Variants in GPR3 observed in about 807,000 individuals in gnomAD.
GPR3 encodes the protein ACCA orphan receptor.
In GPR3, 16 loss-of-function variants were observed where a neutral mutation model predicts 18.2. That is an observed-to-expected ratio of 0.88 (90% CI 0.60 to 1.34). The LOEUF is 1.34. Among genes scored for constraint, GPR3 ranks in the 40% most tolerant of loss-of-function variants. GPR3 has a pLI of 0.00. For missense variants in GPR3, 326 were observed against 427.6 expected, an observed-to-expected ratio of 0.76 and a Z score of 2.10; for synonymous variants, 183 against 188.9, an observed-to-expected ratio of 0.97 and a Z score of 0.26.
At position 27,394,177 on chromosome 1, in the gene GPR3, C is replaced by G; in HGVS notation, c.379C>G (p.Leu127Val). The change falls in exon 2 of 2, where the codon CTA becomes GTA. Residue 127 changes from leucine to valine, a missense_variant. By Grantham distance (32) the Leu-to-Val change is conservative (BLOSUM62 1). Coordinates refer to ENST00000374024, the MANE Select transcript of GPR3 (RefSeq NM_005281.4). ...GGCCTTTACCGCCAGCATCGGCAGT[C>G]TACTGGCCATCACTGTCGACCGCTA... is the stretch of plus-strand genomic sequence containing the variant. ...AMAFTASIGS[L>V]LAITVDRYLS... 6.2e-7 allele frequency: 1 copy of G among 1,613,934 alleles called. No homozygotes were observed. Among genetic ancestry groups the G allele is most frequent in the Non-Finnish European group, 8.5e-7 (1 of 1,180,030 alleles).
At chr1:27,393,770 T>TGTGAAAAG in intron 1 of GPR3, 24 bp from the exon 2 acceptor site, 1 of 1,516,744 alleles carries the variant, frequency 6.6e-7, no homozygotes, top group Non-Finnish European at 8.8e-7. Context: ...TTGGTCAGCT[T>TGTGAAAAG]CTCACAAGGC....
At position 27,394,449 on chromosome 1, in the gene GPR3, C is replaced by T. The variant is rs140741948; in HGVS notation, c.651C>T (p.Cys217=). The T allele has an allele frequency of 6.2e-7, 1 of 1,614,146 alleles. No individual in the cohort carries two copies. Among genetic ancestry groups the T allele is most frequent in the Non-Finnish European group, 8.5e-7 (1 of 1,180,042 alleles). ...GIMLQLYAQI[C]RIVCRHAQQI... Reference sequence around the variant, plus strand: ...TGCTGCAGCTCTACGCCCAAATCTGCCGCATCGTCTGCCGCCATGCCCAGC... The same window carrying T: ...TGCTGCAGCTCTACGCCCAAATCTGTCGCATCGTCTGCCGCCATGCCCAGC... The change falls in exon 2 of 2, where the codon TGC becomes TGT. Residue 217 remains cysteine (C), a synonymous_variant. Coordinates refer to ENST00000374024, the MANE Select transcript of GPR3 (RefSeq NM_005281.4).
In GPR3 at chr1:27,394,453, A is replaced by G; in HGVS notation, c.655A>G (p.Ile219Val). The change falls in exon 2 of 2, where the codon ATC becomes GTC. Residue 219 changes from isoleucine to valine, a missense_variant. Coordinates refer to ENST00000374024, the MANE Select transcript of GPR3 (RefSeq NM_005281.4). ...GCAGCTCTACGCCCAAATCTGCCGC[A>G]TCGTCTGCCGCCATGCCCAGCAGAT... ...MLQLYAQICR[I>V]VCRHAQQIAL... The G allele has an allele frequency of 1.2e-6, 2 of 1,614,114 alleles. No homozygotes were observed. The highest frequency in any genetic ancestry group is 2.2e-5 in the East Asian group (1 of 44,872).
At chr1:27,393,204 C>A (rs2016506499) in intron 1 of GPR3, among the ~76,000 whole-genome samples, 1 of 129,276 alleles carries the variant, frequency 7.7e-6, no homozygotes, top group African/African-American at 3.0e-5. Context: ...AGGGTCCAGC[C>A]AGGAACAGAA....
At position 27,392,709 on chromosome 1, in the gene GPR3, C is replaced by G. The variant is rs2016500104; in HGVS notation, c.-34C>G. 1 of 152,070 alleles carries G rather than the reference C, an allele frequency of 6.6e-6. No individual in the cohort carries two copies. Among genetic ancestry groups the G allele is most frequent in the South Asian group, 2.1e-4 (1 of 4,836 alleles). The allele number at this position is 152,070 out of a possible 1,614,324, so 9.4% of individuals were successfully genotyped here. ...CGCCAGGACCCGAGCGGAGCCTCCC[C>G]GCGGCCCGGCCGCGCCTGGTCCTGA... On this transcript the variant is annotated 5_prime_UTR_variant, in exon 1 of 2. Transcript: ENST00000374024.
At position 27,394,663 on chromosome 1, in the gene GPR3, A is replaced by C. The variant is rs773324289; in HGVS notation, c.865A>C (p.Asn289His). The C allele has an allele frequency of 6.2e-7, 1 of 1,614,060 alleles. No homozygotes were observed. The highest frequency in any genetic ancestry group is 2.2e-5 in the East Asian group (1 of 44,880). Reference sequence around the variant, plus strand: ...TCTTACCTTGCTCCCTGCCACCTACAACTCCATGATCAACCCTATCATCTA... The same window carrying C: ...TCTTACCTTGCTCCCTGCCACCTACCACTCCATGATCAACCCTATCATCTA... ...TYLTLLPATY[N>H]SMINPIIYAF... Residue 289 changes from asparagine to histidine, a missense_variant, in exon 2 of 2, where the codon AAC becomes CAC. Transcript: ENST00000374024.
rs1374261361 is a variant in GPR3 at position 27,392,707 on chromosome 1, C to T, written c.-36C>T. 2 of 152,088 alleles carry T rather than the reference C, an allele frequency of 1.3e-5. No individual in the cohort carries two copies. Among genetic ancestry groups the T allele is most frequent in the African/African-American group, 4.8e-5 (2 of 41,434 alleles). The allele number at this position is 152,088 out of a possible 1,614,324, so 9.4% of individuals were successfully genotyped here. On this transcript the variant is annotated 5_prime_UTR_variant, in exon 1 of 2. Coordinates refer to ENST00000374024, the MANE Select transcript of GPR3 (RefSeq NM_005281.4). ...GCCGCCAGGACCCGAGCGGAGCCTC[C>T]CCGCGGCCCGGCCGCGCCTGGTCCT...
chr1:27,394,967 C>CTGGAGTTCTAGGACATTGGGTGTTT lies in GPR3; in HGVS notation c.*176_*177insTGGAGTTCTAGGACATTGGGTGTTT. On this transcript the variant is annotated 3_prime_UTR_variant, in exon 2 of 2. Coordinates refer to ENST00000374024, the MANE Select transcript of GPR3 (RefSeq NM_005281.4). ...GATCCCTATGGGGGCCCAGCTGGCTCCACGGTTCCAGAATGTTCAGGTGGT... is the reference window on the plus strand; with the variant it reads ...GATCCCTATGGGGGCCCAGCTGGCTCTGGAGTTCTAGGACATTGGGTGTTTCACGGTTCCAGAATGTTCAGGTGGT... 1.5e-6 allele frequency: 1 copy of CTGGAGTTCTAGGACATTGGGTGTTT among 651,752 alleles called. No homozygotes were observed. The highest frequency in any genetic ancestry group is 2.7e-6 in the Non-Finnish European group (1 of 373,352). The allele number at this position is 651,752 out of a possible 1,614,324, so 40.4% of individuals were successfully genotyped here. A position where few individuals can be genotyped will look rare whatever the true frequency, so the allele number is the denominator to read the frequency against.
Position 27,393,958 on chromosome 1 carries a change from G to C in GPR3, c.160G>C (p.Val54Leu), listed in dbSNP as rs2016514658. 1 of 1,611,628 alleles carries C rather than the reference G, an allele frequency of 6.2e-7. No individual in the cohort carries two copies. The highest frequency in any genetic ancestry group is 8.5e-7 in the Non-Finnish European group (1 of 1,179,410). Residue 54 changes from valine (V) to leucine (L), a missense_variant, in exon 2 of 2, where the codon GTG (valine) becomes CTG (leucine). Val to Leu is a conservative substitution (Grantham distance 32, BLOSUM62 1). Coordinates refer to ENST00000374024, the MANE Select transcript of GPR3 (RefSeq NM_005281.4). Reference protein sequence around the residue: ...DVVLCISGTLVSCENALVVAI... With the variant: ...DVVLCISGTLLSCENALVVAI... ...GGTGCTCTGCATCTCAGGCACCCTG[G>C]TGTCCTGCGAGAATGCGCTAGTGGT...
chr1:27,394,790 A>T lies in GPR3; in HGVS notation c.992A>T (p.Ter331LeuextTer104). The change falls in exon 2 of 2, where the codon TAG (stop) becomes TTG (leucine). Residue 331 changes from the stop codon to leucine, a stop_lost. Transcript: ENST00000374024. The stretch of plus-strand genomic sequence containing the variant: ...CGATCCCGCTCCCCCAGTGATGTCT[A>T]GCTGAGTCTTCATGACCCTTCAACC... ...PFRSRSPSDV* is the reference protein window; with the variant it reads ...PFRSRSPSDVL The T allele has an allele frequency of 6.2e-7, 1 of 1,612,812 alleles. No homozygotes were observed. The highest frequency in any genetic ancestry group is 8.5e-7 in the Non-Finnish European group (1 of 1,179,260).
Position 27,394,893 on chromosome 1 carries a change from C to A in GPR3, c.*102C>A. 7.7e-7 allele frequency: 1 copy of A among 1,306,730 alleles called. No homozygotes were observed. The highest frequency in any genetic ancestry group is 2.0e-5 in the Admixed American group (1 of 48,920). 80.9% of individuals were successfully genotyped at this position (1,306,730 alleles called of 1,614,324 possible). A position where few individuals can be genotyped will look rare whatever the true frequency, so the allele number is the denominator to read the frequency against. On this transcript the variant is annotated 3_prime_UTR_variant, in exon 2 of 2. Transcript: ENST00000374024. Reference sequence around the variant, plus strand: ...CCCCCAGCTCCACACCCCCCAGACCCAGCTGGTTCTGGAGTTCTAGGACAT... The same window carrying A: ...CCCCCAGCTCCACACCCCCCAGACCAAGCTGGTTCTGGAGTTCTAGGACAT...
chr1:27,394,878 C>T lies in GPR3; in HGVS notation c.*87C>T. 7.0e-7 allele frequency: 1 copy of T among 1,422,988 alleles called. No homozygotes were observed. Among genetic ancestry groups the T allele is most frequent in the Non-Finnish European group, 9.7e-7 (1 of 1,029,946 alleles). The allele number at this position is 1,422,988 out of a possible 1,614,324, so 88.1% of individuals were successfully genotyped here. On this transcript the variant is annotated 3_prime_UTR_variant, in exon 2 of 2. Coordinates refer to ENST00000374024, the MANE Select transcript of GPR3 (RefSeq NM_005281.4). ...GGGCTTCTTTCCAAACCCCCAGCTC[C>T]ACACCCCCCAGACCCAGCTGGTTCT...
chr1:27,395,776 T>A lies in GPR3; in HGVS notation c.*985T>A, dbSNP rs1376886168. The A allele has an allele frequency of 6.0e-6, 1 of 166,984 alleles. No homozygotes were observed. The highest frequency in any genetic ancestry group is 6.5e-5 in the Admixed American group (1 of 15,270). The allele number at this position is 166,984 out of a possible 1,614,324, so 10.3% of individuals were successfully genotyped here. ...GCCCCCAGTGCATTCCCTGTTCCCG[T>A]CTCCAACCCAACTCAATAAAAAATG... On this transcript the variant is annotated 3_prime_UTR_variant, in exon 2 of 2. Transcript: ENST00000374024.
Position 27,394,772 on chromosome 1 carries a change from G to C in GPR3, c.974G>C (p.Arg325Pro). 1 of 1,613,610 alleles carries C rather than the reference G, an allele frequency of 6.2e-7. No individual in the cohort carries two copies. Among genetic ancestry groups the C allele is most frequent in the Non-Finnish European group, 8.5e-7 (1 of 1,179,766 alleles). The change falls in exon 2 of 2, where the codon CGC becomes CCC. Residue 325 changes from arginine to proline, a missense_variant. Arg to Pro is a moderately radical substitution (Grantham distance 103, BLOSUM62 -2). Coordinates refer to ENST00000374024, the MANE Select transcript of GPR3 (RefSeq NM_005281.4). Reference sequence around the variant, plus strand: ...TCTTCCAAGATCCCCTTCCGATCCCGCTCCCCCAGTGATGTCTAGCTGAGT... The same window carrying C: ...TCTTCCAAGATCCCCTTCCGATCCCCCTCCCCCAGTGATGTCTAGCTGAGT... ...CSSSKIPFRS[R>P]SPSDV
At position 27,394,003 on chromosome 1, in the gene GPR3, C is replaced by G; in HGVS notation, c.205C>G (p.Pro69Ala). 1 of 1,611,870 alleles carries G rather than the reference C, an allele frequency of 6.2e-7. No individual in the cohort carries two copies. The highest frequency in any genetic ancestry group is 8.5e-7 in the Non-Finnish European group (1 of 1,179,772). ...AGTGGTGGCCATCATCGTGGGCACTCCTGCCTTCCGTGCCCCCATGTTCCT... is the reference window on the plus strand; with the variant it reads ...AGTGGTGGCCATCATCGTGGGCACTGCTGCCTTCCGTGCCCCCATGTTCCT... Reference protein sequence around the residue: ...ALVVAIIVGTPAFRAPMFLLV... With the variant: ...ALVVAIIVGTAAFRAPMFLLV... Residue 69 changes from proline to alanine, a missense_variant, in exon 2 of 2, where the codon CCT (proline) becomes GCT (alanine). By Grantham distance (27) the Pro-to-Ala change is conservative. Coordinates refer to ENST00000374024, the MANE Select transcript of GPR3 (RefSeq NM_005281.4).
chr1:27,395,033 G>A lies in GPR3; in HGVS notation c.*242G>A. 1 of 496,060 alleles carries A rather than the reference G, an allele frequency of 2.0e-6. No individual in the cohort carries two copies. Among genetic ancestry groups the A allele is most frequent in the South Asian group, 3.9e-5 (1 of 25,844 alleles). 30.7% of individuals were successfully genotyped at this position (496,060 alleles called of 1,614,324 possible). ...AAATGTCTCACAGCCCAGCTGGGTT[G>A]CAATTCCAGAATGCTGGGAGTTTTA... On this transcript the variant is annotated 3_prime_UTR_variant, in exon 2 of 2. Transcript: ENST00000374024.
Position 27,394,688 on chromosome 1 carries a change from ACGCCTTC to A in GPR3, c.894_900del (p.Phe299ThrfsTer32). The A allele has an allele frequency of 6.2e-7, 1 of 1,614,092 alleles. No individual in the cohort carries two copies. The highest frequency in any genetic ancestry group is 8.5e-7 in the Non-Finnish European group (1 of 1,180,014). The stretch of plus-strand genomic sequence containing the variant: ...AACTCCATGATCAACCCTATCATCT[ACGCCTTC>A]CGCAACCAGGATGTGCAGAAAGTGC... On this transcript the variant is annotated frameshift_variant, in exon 2 of 2. Coordinates refer to ENST00000374024, the MANE Select transcript of GPR3 (RefSeq NM_005281.4). LOFTEE classifies it high-confidence loss of function.
chr1:27,394,826 C>T lies in GPR3; in HGVS notation c.*35C>T. 1 of 1,589,144 alleles carries T rather than the reference C, an allele frequency of 6.3e-7. No homozygotes were observed. The highest frequency in any genetic ancestry group is 1.3e-5 in the African/African-American group (1 of 74,664). On this transcript the variant is annotated 3_prime_UTR_variant, in exon 2 of 2. Transcript: ENST00000374024. ...CATGACCCTTCAACCCTGATTACTACAGAATTCCAGAATGTTAGGCTCTCC... is the reference window on the plus strand; with the variant it reads ...CATGACCCTTCAACCCTGATTACTATAGAATTCCAGAATGTTAGGCTCTCC...
Position 27,394,613 on chromosome 1 carries a change from C to T in GPR3, c.815C>T (p.Ala272Val), listed in dbSNP as rs1206295651. The change falls in exon 2 of 2, where the codon GCC (alanine) becomes GTC (valine). Residue 272 changes from alanine to valine, a missense_variant. By Grantham distance (64) the Ala-to-Val change is moderately conservative. Transcript: ENST00000374024. The part of the protein sequence containing the change: ...PFTVYCLLGD[A>V]HSPPLYTYLT... ...ACTGTCTACTGCCTGCTGGGTGATGCCCACTCTCCACCTCTCTACACCTAT... is the reference window on the plus strand; with the variant it reads ...ACTGTCTACTGCCTGCTGGGTGATGTCCACTCTCCACCTCTCTACACCTAT... The T allele has an allele frequency of 1.2e-6, 2 of 1,614,042 alleles. No individual in the cohort carries two copies. The highest frequency in any genetic ancestry group is 1.7e-6 in the Non-Finnish European group (2 of 1,180,040).
Sources: allele counts gnomAD v4.1 joint callset (sites outside exome capture counted in the v4.1 genomes callset), GRCh38; gene constraint gnomAD v4.1.1; transcripts MANE v1.5; gene names NCBI Gene and HGNC (gene_info 2026-07-23, HGNC 2026-07-21).